The following NFASC variants were observed in gnomAD, a reference collection of about 807,000 sequenced individuals.
NFASC encodes the protein neurofascin homolog.
A neutral mutation model predicts 147.5 loss-of-function variants in NFASC; 43 were observed. The ratio of observed to expected loss-of-function variants is 0.29; its 90% CI spans 0.23 to 0.38. NFASC has a LOEUF of 0.38. NFASC is among the 10% of genes least tolerant of loss of function. The pLI is 1.00. For synonymous variants in NFASC, 622 were observed against 665.5 expected, an observed-to-expected ratio of 0.93 and a Z score of 1.01; for missense variants, 1,320 against 1,689.0, an observed-to-expected ratio of 0.78 and a Z score of 3.83.
At chr1:204,953,486 C>T (rs1197321400) in intron 5 of NFASC, among the ~76,000 whole-genome samples, 2 of 152,170 alleles carry the variant, frequency 1.3e-5, no homozygotes, top group South Asian at 2.1e-4. Flanking sequence ...TTTAGTAGGA[C>T]GGGGTTTCAC....
intron 8 of NFASC, among the ~76,000 whole-genome samples, chr1:204,965,461 A>G (rs915115367): frequency 2.0e-5 from 3 of 152,164 alleles, no homozygotes; most frequent in African/African-American, 7.2e-5. Context: ...AGGGCCAGCC[A>G]TCTCATTCCT....
At position 204,987,498 on chromosome 1, in the gene NFASC, C is replaced by A. The variant is rs2095640837; in HGVS notation, c.2551C>A (p.Pro851Thr). The change falls in exon 22 of 30, where the codon CCA (proline) becomes ACA (threonine). Residue 851 changes from proline (P) to threonine (T), a missense_variant. This residue lies in a region of NFASC where 981 missense variants were observed against 1,289.5 expected (regional missense o/e 0.76). Transcript: ENST00000339876. The surrounding 1 kb of genome is among the most constrained non-coding windows in gnomAD (Gnocchi z 4.4). ...CCTGGAATGGGATCATCCTGAGCATCCAAATGGGATCATGATTGGATACAC... is the reference window on the plus strand; with the variant it reads ...CCTGGAATGGGATCATCCTGAGCATACAAATGGGATCATGATTGGATACAC... ...INLEWDHPEHPNGIMIGYTLK... is the reference protein window; with the variant it reads ...INLEWDHPEHTNGIMIGYTLK... 1 of 1,613,998 alleles carries A rather than the reference C, an allele frequency of 6.2e-7. No homozygotes were observed. The highest frequency in any genetic ancestry group is 1.7e-5 in the Admixed American group (1 of 59,998).
At chr1:204,834,259 C>G (rs1187372391) in intron 1 of NFASC, among the ~76,000 whole-genome samples, 1 of 152,068 alleles carries the variant, frequency 6.6e-6, no homozygotes, top group East Asian at 1.9e-4. Context: ...ACTTCTGGCC[C>G]CATTGTTAAC....
chr1:204,872,318 G>T (rs1572264598), intron 1 of NFASC, among the ~76,000 whole-genome samples: 1 of 152,240 alleles, frequency 6.6e-6, no homozygotes, highest in Non-Finnish European at 1.5e-5. Flanking sequence ...ACAGAGAATT[G>T]CAGCTCCTTC....
At position 204,849,908 on chromosome 1, in the gene NFASC, A is replaced by G. The variant is rs1005101172; in HGVS notation, c.-200+21126A>G. On this transcript the variant is annotated intron_variant, in intron 1 of 29. Transcript: ENST00000339876. ...CCATGTATGTATCCAAGAAGCATTT[A>G]CTGATTAATTACCTTCTGTGGGAAA... 2.6e-5 allele frequency among the ~76,000 whole-genome samples: 4 copies of G among 152,226 alleles called. No individual in the cohort carries two copies. The East Asian group carries it at 5.8e-4, about 22-fold the overall frequency.
rs984311626 is a variant in NFASC, at chr1:205,015,288, A to G, written c.3492-1020A>G. Among the ~76,000 whole-genome samples, 4 of 151,980 alleles carry G rather than the reference A, an allele frequency of 2.6e-5. No homozygotes were observed. In the South Asian group the frequency reaches 8.3e-4, roughly 32 times the overall value. On this transcript the variant is annotated intron_variant, in intron 29 of 29. Coordinates refer to ENST00000339876, the MANE Select transcript of NFASC (RefSeq NM_001005388.3). The surrounding 1 kb of genome is among the most constrained non-coding windows in gnomAD (Gnocchi z 4.0). ...GCACCGCTATGGTCCCACCACTGAG[A>G]CCCAGACTCCCACTGCTCAGACCCA...
chr1:204,946,352 G>A (rs2093733403), intron 3 of NFASC: 1 of 511,468 alleles, frequency 2.0e-6, no homozygotes, highest in South Asian at 1.4e-5. Flanking sequence ...CTGCGGGTTA[G>A]AGACAAGGAA....
At chr1:204,839,782 G>T (rs1164956274) in intron 1 of NFASC, among the ~76,000 whole-genome samples, 2 of 152,224 alleles carry the variant, frequency 1.3e-5, no homozygotes. Flanking sequence ...ACAGAGCCTT[G>T]CTCTTAGACT....
intron 25 of NFASC, chr1:204,998,972 C>T (rs1332682613): frequency 1.3e-5 from 2 of 152,238 alleles, no homozygotes; most frequent in Admixed American, 1.3e-4. Flanking sequence ...CCTCAACCAT[C>T]CTCACCTCAC....
rs1243340612 is a variant in NFASC at position 205,021,585 on chromosome 1, G to A, written c.*5046G>A. 2 of 153,270 alleles carry A rather than the reference G, an allele frequency of 1.3e-5. No individual in the cohort carries two copies. The highest frequency in any genetic ancestry group is 3.8e-4 in the East Asian group (2 of 5,200). 9.5% of individuals were successfully genotyped at this position (153,270 alleles called of 1,614,324 possible). A position where few individuals can be genotyped will look rare whatever the true frequency, so the allele number is the denominator to read the frequency against. On this transcript the variant is annotated 3_prime_UTR_variant, in exon 30 of 30. Coordinates refer to ENST00000339876, the MANE Select transcript of NFASC (RefSeq NM_001005388.3). ...ATTTTTGCTCAAGATCACATAGCTG[G>A]TAAACTAAGGTAAGGTTAGGGCTTG...
chr1:204,948,751 T>C, intron 3 of NFASC: 1 of 518,676 alleles, frequency 1.9e-6, no homozygotes, highest in Middle Eastern at 3.2e-4. Context: ...CAGCCTTCGA[T>C]TCTATAAAAG....
At chr1:204,887,974 G>T (rs1417679435) in intron 1 of NFASC, among the ~76,000 whole-genome samples, 1 of 152,168 alleles carries the variant, frequency 6.6e-6, no homozygotes, top group Non-Finnish European at 1.5e-5. Context: ...GGTAAACAGA[G>T]CCTGAACAGT....
intron 2 of NFASC, among the ~76,000 whole-genome samples, chr1:204,935,111 C>G (rs939578589): frequency 1.3e-5 from 2 of 152,066 alleles, no homozygotes; most frequent in African/African-American, 4.8e-5. Flanking sequence ...CCTAATCCAG[C>G]CTTGGTGGGA....
At chr1:204,878,656 A>G (rs936223400) in intron 1 of NFASC, among the ~76,000 whole-genome samples, 31 of 152,354 alleles carry the variant, frequency 2.0e-4, no homozygotes, top group African/African-American at 7.0e-4. Flanking sequence ...AGCTTCAGCC[A>G]TGATCAACAC....
chr1:204,905,040 T>G lies in NFASC; in HGVS notation c.-199-15592T>G, dbSNP rs142841412. On this transcript the variant is annotated intron_variant, in intron 1 of 29. Coordinates refer to ENST00000339876, the MANE Select transcript of NFASC (RefSeq NM_001005388.3). Reference sequence around the variant, plus strand: ...GTACCACCAATCTATCCTCATTGCCTCCTCCACTACCAGAAGCAATTGTTA... The same window carrying G: ...GTACCACCAATCTATCCTCATTGCCGCCTCCACTACCAGAAGCAATTGTTA... Among the ~76,000 whole-genome samples, 6 of 152,320 alleles carry G rather than the reference T, an allele frequency of 3.9e-5. No individual in the cohort carries two copies. The East Asian group carries it at 1.2e-3, about 29-fold the overall frequency.
chr1:204,948,787 A>G, intron 3 of NFASC: 1 of 506,576 alleles, frequency 2.0e-6, no homozygotes, highest in Non-Finnish European at 3.9e-6. Flanking sequence ...TGAATAGGCA[A>G]AGGAGGTCCC....
At chr1:205,002,136 A>T (rs1221213696) in intron 26 of NFASC, among the ~76,000 whole-genome samples, 1 of 152,208 alleles carries the variant, frequency 6.6e-6, no homozygotes, top group Non-Finnish European at 1.5e-5. Flanking sequence ...AATTCACCAC[A>T]TGGTGAGAAA....
chr1:204,936,364 G>T (rs1187877049), intron 2 of NFASC, among the ~76,000 whole-genome samples: 1 of 151,776 alleles, frequency 6.6e-6, no homozygotes, highest in African/African-American at 2.4e-5. Flanking sequence ...CCCACGCCTG[G>T]CTAATTTTTT....
In NFASC at chr1:204,953,927, CA is replaced by C. The variant is rs146138630; in HGVS notation, c.216-260del. ...ATCTAACACTTAGAGCCACGAGTCC[CA>C]GTCTTAGGTGGGTAGAAATACTAAC... On this transcript the variant is annotated intron_variant, in intron 5 of 29. Transcript: ENST00000339876. Among the ~76,000 whole-genome samples the C allele has an allele frequency of 4.4e-3, 672 of 152,320 alleles. 3 individuals are homozygous for C. The highest frequency in any genetic ancestry group is 0.016 in the African/African-American group (647 of 41,550).
Sources: gnomAD v4.1 joint callset for allele counts (sites outside exome capture counted in the v4.1 genomes callset) on GRCh38, gnomAD v4.1.1 for gene constraint, gnomAD v4.1.1 regional missense constraint, Gnocchi (gnomAD v3.1) non-coding constraint, MANE v1.5 for transcripts, NCBI Gene and HGNC (gene_info 2026-07-23, HGNC 2026-07-21) for gene names.